Variants in HS3ST1 observed in about 807,000 individuals in gnomAD.
The protein encoded by HS3ST1 is heparan sulfate-glucosamine 3-sulfotransferase 1, also known as heparan sulfate glucosamine 3-O-sulfotransferase 1.
A neutral mutation model predicts 20.7 loss-of-function variants in HS3ST1; 8 were observed. The ratio of observed to expected loss-of-function variants is 0.39; its 90% CI spans 0.23 to 0.70. The LOEUF is 0.70. HS3ST1 is among the 30% of genes least tolerant of loss of function. The pLI, the probability that HS3ST1 is intolerant of heterozygous loss-of-function variation, is 0.46. For synonymous variants in HS3ST1, 205 were observed against 190.4 expected, an observed-to-expected ratio of 1.08 and a Z score of -0.63; for missense variants, 436 against 423.4, an observed-to-expected ratio of 1.03 and a Z score of -0.26.
chr4:11,414,870 G>A (rs953659640), intron 1 of HS3ST1, among the ~76,000 whole-genome samples: 2 of 152,134 alleles, frequency 1.3e-5, no homozygotes, highest in East Asian at 3.9e-4. Flanking sequence ...CCCCCACAAT[G>A]TAAGATTAGC....
intron 1 of HS3ST1, among the ~76,000 whole-genome samples, chr4:11,409,171 T>C (rs1034148733): frequency 6.6e-6 from 1 of 152,162 alleles, no homozygotes; most frequent in African/African-American, 2.4e-5. Context: ...CCCAGACACA[T>C]GGAAATCTGT....
At chr4:11,410,830 T>C (rs1416479276) in intron 1 of HS3ST1, among the ~76,000 whole-genome samples, 2 of 152,080 alleles carry the variant, frequency 1.3e-5, no homozygotes, top group South Asian at 2.1e-4. Flanking sequence ...AGGCAGAGTT[T>C]GCAGTGAGCC....
intron 1 of HS3ST1, chr4:11,414,015 T>C (rs556773156): frequency 6.6e-6 from 1 of 152,288 alleles, no homozygotes; most frequent in Non-Finnish European, 1.5e-5. Context: ...AGCAGGAGGA[T>C]GCATGAGATA....
Position 11,399,604 on chromosome 4 carries a change from G to T in HS3ST1, c.402C>A (p.Tyr134Ter), listed in dbSNP as rs753547060. Residue 134 changes from tyrosine to a stop codon, truncating the protein, a stop_gained, in exon 2 of 2, where the codon TAC (tyrosine) becomes TAA (stop). Transcript: ENST00000002596. LOFTEE classifies it high-confidence loss of function. The surrounding 1 kb of genome is among the most constrained non-coding windows in gnomAD (Gnocchi z 5.1). Reference sequence around the variant, plus strand: ...GCAGCCGGATGGACGGGTTCATGCTGTAGACTCGCTCAGGCACTTTGGGCG... The same window carrying T: ...GCAGCCGGATGGACGGGTTCATGCTTTAGACTCGCTCAGGCACTTTGGGCG... ...FTSPKVPERV[Y>*]SMNPSIRLLL... The T allele has an allele frequency of 1.9e-6, 3 of 1,613,826 alleles. No homozygotes were observed. The Admixed American group carries it at 5.0e-5, about 27-fold the overall frequency.
chr4:11,399,213 A>G lies in HS3ST1; in HGVS notation c.793T>C (p.Cys265Arg). Reference protein sequence around the residue: ...YCLRDSGRDRCLHESKGRAHP... With the variant: ...YCLRDSGRDRRLHESKGRAHP... ...GCCCGGCCTTTGGACTCATGTAAGC[A>G]GCGGTCCCGGCCGCTGTCCCGCAGG... Residue 265 changes from cysteine to arginine, a missense_variant, in exon 2 of 2, where the codon TGC (cysteine) becomes CGC (arginine). Transcript: ENST00000002596. This position sits in a 1 kb window ranked among gnomAD's most constrained non-coding sequence, Gnocchi z 5.1. 1 of 1,614,220 alleles carries G rather than the reference A, an allele frequency of 6.2e-7. No homozygotes were observed. Among genetic ancestry groups the G allele is most frequent in the Non-Finnish European group, 8.5e-7 (1 of 1,180,040 alleles).
upstream of HS3ST1, among the ~76,000 whole-genome samples, chr4:11,430,876 C>T (rs1435648512): frequency 6.6e-6 from 1 of 152,164 alleles, no homozygotes; most frequent in African/African-American, 2.4e-5. Context: ...AGCAATTGTT[C>T]ATTGATCGAT....
upstream of HS3ST1, among the ~76,000 whole-genome samples, chr4:11,433,838 A>G (rs1049725149): frequency 1.3e-5 from 2 of 152,250 alleles, no homozygotes; most frequent in African/African-American, 4.8e-5. Flanking sequence ...GTGCATTAAC[A>G]GAAAAATTAC....
intron 1 of HS3ST1, among the ~76,000 whole-genome samples, chr4:11,422,649 A>G (rs566420313): frequency 6.6e-6 from 1 of 151,848 alleles, no homozygotes; most frequent in East Asian, 1.9e-4. Context: ...ACGACAATCA[A>G]TAGCAAAGGT....
intron 1 of HS3ST1, among the ~76,000 whole-genome samples, chr4:11,426,133 C>A (rs930068641): frequency 6.6e-6 from 1 of 152,150 alleles, no homozygotes; most frequent in East Asian, 1.9e-4. Flanking sequence ...ATCAGGACAC[C>A]AGATACATCT....
intron 1 of HS3ST1, among the ~76,000 whole-genome samples, chr4:11,426,506 CCTTTG>C (rs1719065684): frequency 6.6e-6 from 1 of 152,110 alleles, no homozygotes; most frequent in African/African-American, 2.4e-5. Context: ...AGTAAAGAAC[CCTTTG>C]CTTTTTCCGA....
chr4:11,412,139 A>T (rs761354498), intron 1 of HS3ST1, among the ~76,000 whole-genome samples: 2 of 152,168 alleles, frequency 1.3e-5, no homozygotes, highest in Non-Finnish European at 2.9e-5. Context: ...GACACATAAG[A>T]TGCATATCCA....
At chr4:11,401,659 A>T (rs1718329703) in intron 1 of HS3ST1, among the ~76,000 whole-genome samples, 1 of 152,196 alleles carries the variant, frequency 6.6e-6, no homozygotes, top group Non-Finnish European at 1.5e-5. Flanking sequence ...CCACCATTTT[A>T]TAGAGGGTAG....
At chr4:11,423,119 C>T (rs16881661) in intron 1 of HS3ST1, among the ~76,000 whole-genome samples, 1,742 of 148,768 alleles carry the variant, frequency 0.012, 37 homozygotes, top group African/African-American at 0.041. Context: ...TCCTCAATCA[C>T]TGTAGTTGCC....
At chr4:11,432,886 A>C (rs369812194), upstream of HS3ST1, among the ~76,000 whole-genome samples, 13 of 152,246 alleles carry the variant, frequency 8.5e-5, no homozygotes, top group East Asian at 2.1e-3. Flanking sequence ...TCCCGTCCCA[A>C]CGCCCAATTT....
chr4:11,405,625 C>T (rs1301102536), intron 1 of HS3ST1, among the ~76,000 whole-genome samples: 2 of 152,000 alleles, frequency 1.3e-5, no homozygotes, highest in African/African-American at 4.8e-5. Context: ...CATATTTTAA[C>T]ACAGTAGGAA....
upstream of HS3ST1, chr4:11,429,683 C>T (rs961106362): frequency 4.6e-5 from 4 of 86,690 alleles, no homozygotes; most frequent in Admixed American, 3.8e-4. Flanking sequence ...TCCGCTAGTG[C>T]ACTAGGATTG....
chr4:11,402,705 CAG>C (rs1297046124), intron 1 of HS3ST1, among the ~76,000 whole-genome samples: 2 of 152,158 alleles, frequency 1.3e-5, no homozygotes, highest in Non-Finnish European at 1.5e-5. Context: ...TGTTCAGACT[CAG>C]GGAACAACAC....
rs1391890539 is a variant in HS3ST1 at position 11,399,682 on chromosome 4, G to A, written c.324C>T (p.Pro108=). Reference sequence around the variant, plus strand: ...CTGTGAGCTGGTGTGGCCAGGAGAAGGGCATCTGGCTGAGGTACCAGCCCA... The same window carrying A: ...CTGTGAGCTGGTGTGGCCAGGAGAAAGGCATCTGGCTGAGGTACCAGCCCA... ...HGLGWYLSQM[P]FSWPHQLTVE... is the part of the protein sequence containing the mutation. The change falls in exon 2 of 2, where the codon CCC becomes CCT. Residue 108 remains proline (P), a synonymous_variant. Transcript: ENST00000002596. This position sits in a 1 kb window ranked among gnomAD's most constrained non-coding sequence, Gnocchi z 5.1. The A allele has an allele frequency of 1.2e-6, 2 of 1,613,930 alleles. No individual in the cohort carries two copies. Among genetic ancestry groups the A allele is most frequent in the South Asian group, 1.1e-5 (1 of 91,088 alleles).
intron 1 of HS3ST1, among the ~76,000 whole-genome samples, chr4:11,425,584 C>T (rs79045356): frequency 0.05 from 7,634 of 152,176 alleles, 206 homozygotes; most frequent in African/African-American, 0.058. Flanking sequence ...GAAATCTCTC[C>T]CACTTAATGT....
Sources: allele counts gnomAD v4.1 joint callset (sites outside exome capture counted in the v4.1 genomes callset), GRCh38; gene constraint gnomAD v4.1.1; non-coding constraint Gnocchi (gnomAD v3.1); transcripts MANE v1.5; gene names NCBI Gene and HGNC (gene_info 2026-07-23, HGNC 2026-07-21).